The following KLHL28 variants were observed in gnomAD, a reference collection of about 807,000 sequenced individuals.
KLHL28 encodes kelch like family member 28.
In KLHL28, 22 loss-of-function variants were observed where a neutral mutation model predicts 48.3. That is an observed-to-expected ratio of 0.46 (90% CI 0.33 to 0.65). KLHL28 has a LOEUF of 0.65. KLHL28 is among the 30% of genes least tolerant of loss of function. The pLI is 0.03. For synonymous variants in KLHL28, 243 were observed against 242.4 expected (o/e 1.00, Z -0.02); for missense variants, 527 against 704.3 (o/e 0.75, Z 2.85).
At chr14:44,946,585 C>T (rs1884346657) in intron 1 of KLHL28, among the ~76,000 whole-genome samples, 1 of 133,670 alleles carries the variant, frequency 7.5e-6, no homozygotes, top group African/African-American at 2.8e-5. Context: ...AAGATGGAAT[C>T]TCACTCTGTC....
At chr14:44,930,093 T>G (rs1883517495) in intron 4 of KLHL28, among the ~76,000 whole-genome samples, 1 of 152,206 alleles carries the variant, frequency 6.6e-6, no homozygotes, top group African/African-American at 2.4e-5. Flanking sequence ...TTTACTCCAA[T>G]TTTTAAAGTT....
At chr14:44,955,165 CTG>C (rs1046305008) in intron 1 of KLHL28, among the ~76,000 whole-genome samples, 6 of 151,320 alleles carry the variant, frequency 4.0e-5, no homozygotes, top group African/African-American at 1.5e-4. Flanking sequence ...ACCTCACAGT[CTG>C]TATTTGAATA....
chr14:44,959,865 A>C (rs1884956554), intron 1 of KLHL28, among the ~76,000 whole-genome samples: 1 of 152,118 alleles, frequency 6.6e-6, no homozygotes, highest in Non-Finnish European at 1.5e-5. Context: ...TATATGATTA[A>C]ATACAAAAGG....
rs1391827304 is a variant in KLHL28 at position 44,926,302 on chromosome 14, T to C, written c.*2726A>G. 2 of 152,232 alleles carry C rather than the reference T, an allele frequency of 1.3e-5. No individual in the cohort carries two copies. Among genetic ancestry groups the C allele is most frequent in the Non-Finnish European group, 2.9e-5 (2 of 68,040 alleles). 9.4% of individuals were successfully genotyped at this position (152,232 alleles called of 1,614,324 possible). A position where few individuals can be genotyped will look rare whatever the true frequency, so the allele number is the denominator to read the frequency against. ...TCACAGATTTTCATAATTTGTTCAC[T>C]GGTGTATGGCTCCTACTACTACTGC... On this transcript the variant is annotated 3_prime_UTR_variant, in exon 5 of 5. Transcript: ENST00000396128.
rs1249579431 is a variant in KLHL28, at chr14:44,929,059, C to T, written c.1685G>A (p.Cys562Tyr). The change falls in exon 5 of 5, where the codon TGT (cysteine) becomes TAT (tyrosine). Residue 562 changes from cysteine to tyrosine, a missense_variant. Cys to Tyr is a radical substitution (Grantham distance 194, BLOSUM62 -2). Coordinates refer to ENST00000396128, the MANE Select transcript of KLHL28 (RefSeq NM_017658.5). ...TWLDSAGMIYCRCNFGLTAL is the reference protein window; with the variant it reads ...TWLDSAGMIYYRCNFGLTAL Reference sequence around the variant, plus strand: ...TGCAGTTAACCCAAAGTTGCAGCGACAGTATATCATGCCAGCTGAATCCAG... The same window carrying T: ...TGCAGTTAACCCAAAGTTGCAGCGATAGTATATCATGCCAGCTGAATCCAG... 2.5e-6 allele frequency: 4 copies of T among 1,613,838 alleles called. No individual in the cohort carries two copies. The highest frequency in any genetic ancestry group is 1.7e-5 in the Admixed American group (1 of 59,998).
At chr14:44,958,505 C>G (rs1292009095) in intron 1 of KLHL28, among the ~76,000 whole-genome samples, 1 of 152,114 alleles carries the variant, frequency 6.6e-6, no homozygotes, top group African/African-American at 2.4e-5. Flanking sequence ...TTCTTTCCTA[C>G]AGTTCAACTT....
At position 44,929,204 on chromosome 14, in the gene KLHL28, G is replaced by A; in HGVS notation, c.1553-13C>T. ...GCAGCACCAACTCCTAGGAAAGGTT[G>A]GCAAAAAGAAGATAGAAACATGTTA... is the stretch of plus-strand genomic sequence containing the variant. On this transcript the variant is annotated splice_polypyrimidine_tract_variant and intron_variant, in intron 4 of 4. Coordinates refer to ENST00000396128, the MANE Select transcript of KLHL28 (RefSeq NM_017658.5). 1 of 1,576,048 alleles carries A rather than the reference G, an allele frequency of 6.3e-7. No individual in the cohort carries two copies. Among genetic ancestry groups the A allele is most frequent in the Admixed American group, 1.8e-5 (1 of 54,728 alleles).
chr14:44,960,831 G>T, intron 1 of KLHL28: 2 of 912,866 alleles, frequency 2.2e-6, no homozygotes, highest in Non-Finnish European at 3.3e-6. Context: ...AAAGCTGTTT[G>T]GCATATGTGA....
At chr14:44,933,977 A>G (rs1053517882) in intron 3 of KLHL28, 138 bp downstream of exon 3, 6 of 602,988 alleles carry the variant, frequency 1.0e-5, no homozygotes, top group Non-Finnish European at 1.7e-5. Context: ...AATTACAATT[A>G]TATCCATGGA....
Position 44,942,369 on chromosome 14 carries a change from A to G in KLHL28, c.899+2661T>C, listed in dbSNP as rs368626661. ...TACTTCTACCCTAATTTAGGATCTC[A>G]TCATCTCTTGCCTATATTAGATAAG... On this transcript the variant is annotated intron_variant, in intron 2 of 4. Coordinates refer to ENST00000396128, the MANE Select transcript of KLHL28 (RefSeq NM_017658.5). Among the ~76,000 whole-genome samples the G allele has an allele frequency of 1.2e-4, 19 of 152,250 alleles. No individual in the cohort carries two copies. The East Asian group carries it at 3.5e-3, about 28-fold the overall frequency.
chr14:44,932,982 C>G (rs964741370), intron 3 of KLHL28, among the ~76,000 whole-genome samples: 1 of 152,158 alleles, frequency 6.6e-6, no homozygotes. Flanking sequence ...TCCACCCCAT[C>G]CCAAGGATAC....
chr14:44,959,963 A>G (rs2138680605), intron 1 of KLHL28, among the ~76,000 whole-genome samples: 2 of 152,316 alleles, frequency 1.3e-5, no homozygotes, highest in South Asian at 4.1e-4. Context: ...CACTCAATGA[A>G]TGAGATTTAT....
Position 44,945,099 on chromosome 14 carries a change from C to T in KLHL28, c.830G>A (p.Arg277Gln), listed in dbSNP as rs753907485. The T allele has an allele frequency of 1.2e-5, 20 of 1,613,878 alleles. No individual in the cohort carries two copies. Among genetic ancestry groups the T allele is most frequent in the Non-Finnish European group, 1.7e-5 (20 of 1,179,944 alleles). The change falls in exon 2 of 5, where the codon CGA becomes CAA. Residue 277 changes from arginine to glutamine, a missense_variant. Physicochemically the swap from Arg to Gln is conservative, Grantham distance 43. Coordinates refer to ENST00000396128, the MANE Select transcript of KLHL28 (RefSeq NM_017658.5). ...RLSHQTVLMT[R>Q]PRCAPKVLCA... ...AAGTACTTTGGGAGCACAGCGAGGT[C>T]GTGTCATCAAGACTGTCTGATGAGA...
chr14:44,948,646 C>T (rs1884445349), intron 1 of KLHL28, among the ~76,000 whole-genome samples: 1 of 152,042 alleles, frequency 6.6e-6, no homozygotes, highest in Non-Finnish European at 1.5e-5. Flanking sequence ...CCCAATATCC[C>T]CACTTTCACT....
chr14:44,939,169 A>C (rs911936452), intron 2 of KLHL28, among the ~76,000 whole-genome samples: 1 of 152,166 alleles, frequency 6.6e-6, no homozygotes, highest in Non-Finnish European at 1.5e-5. Flanking sequence ...GCTACACTAG[A>C]ATGTGGAGAG....
intron 1 of KLHL28, among the ~76,000 whole-genome samples, chr14:44,949,818 G>C (rs139700181): frequency 6.6e-6 from 1 of 152,120 alleles, no homozygotes; most frequent in Non-Finnish European, 1.5e-5. Flanking sequence ...TTTAATTGCA[G>C]TACTATTTTA....
Position 44,945,440 on chromosome 14 carries a change from A to G in KLHL28, c.489T>C (p.Asn163=), listed in dbSNP as rs1884286778. The change falls in exon 2 of 5, where the codon AAT becomes AAC. Residue 163 remains asparagine, a synonymous_variant. Coordinates refer to ENST00000396128, the MANE Select transcript of KLHL28 (RefSeq NM_017658.5). Reference sequence around the variant, plus strand: ...CTTCAGTCTGGCAAACAGCTTCAAAATTCTGGCATATGTATTTAGTGGCTG... The same window carrying G: ...CTTCAGTCTGGCAAACAGCTTCAAAGTTCTGGCATATGTATTTAGTGGCTG... The part of the protein sequence containing the change: ...YLAATKYICQ[N]FEAVCQTEEF... The G allele has an allele frequency of 6.2e-7, 1 of 1,614,206 alleles. No homozygotes were observed. The highest frequency in any genetic ancestry group is 1.3e-5 in the African/African-American group (1 of 75,062).
rs575270324 is a variant in KLHL28, at chr14:44,945,578, T to C, written c.351A>G (p.Ile117Met). ...SLLPAANLLQIKLVLKECCAF... is the reference protein window; with the variant it reads ...SLLPAANLLQMKLVLKECCAF... Reference sequence around the variant, plus strand: ...CACAACATTCTTTCAGGACAAGTTTTATCTGGAGTAGGTTTGCTGCTGGCA... The same window carrying C: ...CACAACATTCTTTCAGGACAAGTTTCATCTGGAGTAGGTTTGCTGCTGGCA... The change falls in exon 2 of 5, where the codon ATA becomes ATG. Residue 117 changes from isoleucine to methionine, a missense_variant. Physicochemically the swap from Ile to Met is conservative, Grantham distance 10. Coordinates refer to ENST00000396128, the MANE Select transcript of KLHL28 (RefSeq NM_017658.5). The C allele has an allele frequency of 9.3e-6, 15 of 1,614,214 alleles. No homozygotes were observed. The highest frequency in any genetic ancestry group is 8.3e-5 in the Admixed American group (5 of 60,014).
chr14:44,940,561 AT>A (rs1594573127), intron 2 of KLHL28, among the ~76,000 whole-genome samples: 2 of 152,078 alleles, frequency 1.3e-5, no homozygotes, highest in East Asian at 3.9e-4. Flanking sequence ...TACCTACCCA[AT>A]CCCCACTTTC....
Sources: gnomAD v4.1 joint callset for allele counts (sites outside exome capture counted in the v4.1 genomes callset) on GRCh38, gnomAD v4.1.1 for gene constraint, MANE v1.5 for transcripts, NCBI Gene and HGNC (gene_info 2026-07-23, HGNC 2026-07-21) for gene names.